Variants in SLC39A10 observed in about 807,000 individuals in gnomAD.
SLC39A10 encodes the protein zinc transporter ZIP10.
In SLC39A10, 13 loss-of-function variants were observed where a neutral mutation model predicts 65.1. That is an observed-to-expected ratio of 0.20 (90% CI 0.13 to 0.32). The LOEUF (loss-of-function observed/expected upper bound fraction) is 0.32, where lower values mean the gene tolerates loss of function less well. Among genes scored for constraint, SLC39A10 ranks in the 10% least tolerant of loss-of-function variants. SLC39A10 has a pLI of 1.00. For synonymous variants in SLC39A10, 321 were observed against 342.2 expected, an observed-to-expected ratio of 0.94 and a Z score of 0.68; for missense variants, 831 against 1,018.4, an observed-to-expected ratio of 0.82 and a Z score of 2.50.
intron 2 of SLC39A10, among the ~76,000 whole-genome samples, chr2:195,681,362 T>TA: frequency 6.6e-6 from 1 of 151,984 alleles, no homozygotes. Context: ...CCGTCTCTAC[T>TA]AAAAATACAA....
chr2:195,633,173 C>T (rs1191413408), intron 2 of SLC39A10, among the ~76,000 whole-genome samples: 1 of 152,254 alleles, frequency 6.6e-6, no homozygotes, highest in Admixed American at 6.5e-5. Flanking sequence ...AGGAAATTTT[C>T]TCTGACCCCT....
intron 3 of SLC39A10, among the ~76,000 whole-genome samples, chr2:195,688,589 G>A (rs188321817): frequency 1.6e-4 from 25 of 152,218 alleles, no homozygotes; most frequent in African/African-American, 4.8e-4. Flanking sequence ...AGACATGTTC[G>A]TAATGTTGTA....
intron 2 of SLC39A10, among the ~76,000 whole-genome samples, chr2:195,634,072 G>C (rs986070417): frequency 1.2e-4 from 18 of 152,212 alleles, no homozygotes; most frequent in African/African-American, 4.3e-4. Context: ...TCAAAAGATA[G>C]AGCAACTTTA....
chr2:195,672,151 G>A (rs1689886262), intron 1 of SLC39A10, among the ~76,000 whole-genome samples: 1 of 151,860 alleles, frequency 6.6e-6, no homozygotes, highest in Admixed American at 6.6e-5. Flanking sequence ...TTTTGAGACA[G>A]GGTCTTGCTC....
chr2:195,668,628 A>G (rs1689727687), intron 1 of SLC39A10, among the ~76,000 whole-genome samples: 1 of 152,200 alleles, frequency 6.6e-6, no homozygotes. Flanking sequence ...ATAACTTCTC[A>G]TTCTTTTATT....
intron 1 of SLC39A10, among the ~76,000 whole-genome samples, chr2:195,660,012 CAT>C (rs1361852600): frequency 6.6e-6 from 1 of 152,078 alleles, no homozygotes; most frequent in Non-Finnish European, 1.5e-5. Flanking sequence ...TTTATAATAA[CAT>C]GTGCATCTTG....
At chr2:195,727,340 A>G (rs1397401523) in intron 8 of SLC39A10, among the ~76,000 whole-genome samples, 2 of 152,170 alleles carry the variant, frequency 1.3e-5, no homozygotes, top group African/African-American at 2.4e-5. Context: ...TCATCAGCAC[A>G]GTTAGAAACA....
chr2:195,714,528 T>TTTA (rs1491511862), intron 6 of SLC39A10, among the ~76,000 whole-genome samples: 6 of 152,164 alleles, frequency 3.9e-5, no homozygotes, highest in East Asian at 1.9e-4. Flanking sequence ...GAATGTTGAA[T>TTTA]TTATAGAGTA....
upstream of SLC39A10, among the ~76,000 whole-genome samples, chr2:195,651,957 TCA>T (rs932736630): frequency 8.5e-5 from 13 of 152,208 alleles, no homozygotes; most frequent in African/African-American, 2.9e-4. Flanking sequence ...CAATGGCCTG[TCA>T]CACAACCCCA....
intron 2 of SLC39A10, among the ~76,000 whole-genome samples, chr2:195,627,386 T>C (rs777517423): frequency 2.0e-5 from 3 of 152,224 alleles, no homozygotes; most frequent in African/African-American, 4.8e-5. Flanking sequence ...AAGATGCCCA[T>C]TTAAATTGTG....
At position 195,680,840 on chromosome 2, in the gene SLC39A10, C is replaced by T; in HGVS notation, c.798C>T (p.Val266=). 6.2e-7 allele frequency: 1 copy of T among 1,614,082 alleles called. No homozygotes were observed. Among genetic ancestry groups the T allele is most frequent in the Non-Finnish European group, 8.5e-7 (1 of 1,180,016 alleles). ...GTGAACAGTATGAGCATAATCGGGT[C>T]CACAAACCTGATCGTGTACATAACC... ...DQGEQYEHNR[V]HKPDRVHNPG... is the part of the protein sequence containing the mutation. Residue 266 remains valine (V), a synonymous_variant, in exon 2 of 10, where the codon GTC becomes GTT. Coordinates refer to ENST00000359634, the MANE Select transcript of SLC39A10 (RefSeq NM_020342.3).
intron 2 of SLC39A10, among the ~76,000 whole-genome samples, chr2:195,651,463 C>A (rs1272570670): frequency 6.6e-6 from 1 of 151,986 alleles, no homozygotes; most frequent in Admixed American, 6.6e-5. Flanking sequence ...ATATTGCTGA[C>A]ATCTTCCTTT....
chr2:195,630,103 ATGTGTGTGTGTGTGTGTG>A (rs35865354), intron 2 of SLC39A10, among the ~76,000 whole-genome samples: 1 of 131,786 alleles, frequency 7.6e-6, no homozygotes, highest in Non-Finnish European at 1.6e-5. Context: ...CTCATTTTAT[ATGTGTGTGTGTGTGTGTG>A]TGTGTGTGTG....
At chr2:195,662,776 C>A (rs1475030044) in intron 1 of SLC39A10, among the ~76,000 whole-genome samples, 1 of 152,056 alleles carries the variant, frequency 6.6e-6, no homozygotes, top group Non-Finnish European at 1.5e-5. Flanking sequence ...AAACTATGGG[C>A]CAAATATCCC....
intron 3 of SLC39A10, among the ~76,000 whole-genome samples, chr2:195,701,788 C>G (rs1319170398): frequency 2.6e-5 from 4 of 151,860 alleles, no homozygotes; most frequent in Non-Finnish European, 5.9e-5. Context: ...CTCAGGTGAT[C>G]CTCCCGCCTC....
intron 1 of SLC39A10, among the ~76,000 whole-genome samples, chr2:195,668,477 A>T (rs1049765650): frequency 1.3e-5 from 2 of 152,324 alleles, no homozygotes; most frequent in East Asian, 3.9e-4. Context: ...AATCTGGAAC[A>T]CTGAAAAAGC....
chr2:195,725,066 C>A (rs188182741), intron 8 of SLC39A10, among the ~76,000 whole-genome samples: 1 of 151,522 alleles, frequency 6.6e-6, no homozygotes, highest in African/African-American at 2.4e-5. Flanking sequence ...AACAATTGGA[C>A]ATCTACATGC....
intron 2 of SLC39A10, among the ~76,000 whole-genome samples, chr2:195,623,890 T>G (rs947628221): frequency 1.6e-5 from 2 of 128,598 alleles, no homozygotes; most frequent in Non-Finnish European, 3.2e-5. Context: ...TACAACCAAC[T>G]AAACAAAAAA....
intron 2 of SLC39A10, among the ~76,000 whole-genome samples, chr2:195,682,768 A>G (rs1456129785): frequency 6.6e-6 from 1 of 152,128 alleles, no homozygotes; most frequent in East Asian, 1.9e-4. Flanking sequence ...GAAATGTTCA[A>G]TACTTTTAAT....
Sources: allele counts gnomAD v4.1 joint callset (sites outside exome capture counted in the v4.1 genomes callset), GRCh38; gene constraint gnomAD v4.1.1; transcripts MANE v1.5; gene names NCBI Gene and HGNC (gene_info 2026-07-23, HGNC 2026-07-21).